Variants in DIPK2B observed in about 807,000 individuals in gnomAD.
DIPK2B encodes divergent protein kinase domain 2B.
Under a neutral mutation model 22.2 loss-of-function variants are expected in DIPK2B, and 15 were observed. That is an observed-to-expected ratio of 0.68 (90% CI 0.45 to 1.04). DIPK2B has a LOEUF of 1.04. Among genes scored for constraint, DIPK2B ranks in the 50% least tolerant of loss-of-function variants. DIPK2B has a pLI of 0.00. For missense variants in DIPK2B, 345 were observed against 348.3 expected (o/e 0.99, Z 0.08); for synonymous variants, 163 against 153.2 (o/e 1.06, Z -0.47).
chrX:45,155,963 T>TTA (rs1389952830), intron 3 of DIPK2B, among the ~76,000 whole-genome samples: 1 of 70,968 alleles, frequency 1.4e-5, no homozygotes, highest in Non-Finnish European at 2.6e-5. Context: ...GGGGACCTCT[T>TTA]TTTTTTTTTT....
intron 2 of DIPK2B, chrX:45,164,264 T>C (rs755388583): frequency 6.7e-6 from 8 of 1,192,442 alleles, no homozygotes. Context: ...AAATTTAAAA[T>C]GATTGATTAA....
chrX:45,171,948 G>A (rs901689188), intron 2 of DIPK2B, among the ~76,000 whole-genome samples: 2 of 112,081 alleles, frequency 1.8e-5, no homozygotes, highest in Non-Finnish European at 3.8e-5. Context: ...GGACTTACTT[G>A]GGGTGTGTAC....
chrX:45,194,254 A>AC (rs2047226958), intron 1 of DIPK2B, among the ~76,000 whole-genome samples: 1 of 36,737 alleles, frequency 2.7e-5, no homozygotes, highest in African/African-American at 8.5e-5. Flanking sequence ...GGAACCCATT[A>AC]ATTTTTTTTT....
chrX:45,184,231 C>T (rs936345350), intron 2 of DIPK2B, among the ~76,000 whole-genome samples: 24 of 111,195 alleles, frequency 2.2e-4, no homozygotes, highest in African/African-American at 5.9e-4. Context: ...GATTCCAGGG[C>T]GTAGAAATAC....
intron 2 of DIPK2B, chrX:45,162,347 A>G (rs41305233): frequency 0.075 from 55,714 of 741,739 alleles, 1,590 homozygotes; most frequent in Non-Finnish European, 0.082. Context: ...TTAATACACA[A>G]CAATAGATAA....
intron 2 of DIPK2B, among the ~76,000 whole-genome samples, chrX:45,173,511 CTTTT>C (rs199755146): frequency 1.3e-5 from 1 of 74,772 alleles, no homozygotes; most frequent in African/African-American, 7.4e-5. Flanking sequence ...TTCTTTCTTT[CTTTT>C]TCTTTCTTTC....
chrX:45,182,397 G>A (rs1185897307), intron 2 of DIPK2B, among the ~76,000 whole-genome samples: 2 of 112,156 alleles, frequency 1.8e-5, no homozygotes, highest in African/African-American at 6.5e-5. Flanking sequence ...ACTAACAATA[G>A]TAAGTGTTGA....
intron 2 of DIPK2B, among the ~76,000 whole-genome samples, chrX:45,177,032 C>T (rs920491651): frequency 2.7e-5 from 3 of 110,810 alleles, no homozygotes; most frequent in Non-Finnish European, 5.7e-5. Flanking sequence ...TGATCCCTGC[C>T]AGGTGCAGTA....
chrX:45,157,623 C>G, intron 3 of DIPK2B, 92 bp downstream of exon 3: 1 of 921,311 alleles, frequency 1.1e-6, no homozygotes, highest in Non-Finnish European at 1.5e-6. Flanking sequence ...CCAAGACATG[C>G]AGTAAAAGGA....
Position 45,151,646 on chromosome X carries a change from A to G in DIPK2B, c.*6T>C, listed in dbSNP as rs200137079. The G allele has an allele frequency of 2.2e-5, 26 of 1,202,332 alleles. No individual in the cohort carries two copies. The highest frequency in any genetic ancestry group is 4.4e-5 in the Admixed American group (2 of 45,491). On this transcript the variant is annotated 3_prime_UTR_variant, in exon 5 of 5. Coordinates refer to ENST00000398000, the MANE Select transcript of DIPK2B (RefSeq NM_176819.4). ...TTGTCCCCAAGGCCAGCTAGACACC[A>G]GCCCTTCAGAACTTATCGTTATATT...
intron 2 of DIPK2B, among the ~76,000 whole-genome samples, chrX:45,189,868 G>A (rs1368120463): frequency 8.9e-6 from 1 of 111,819 alleles, no homozygotes; most frequent in Non-Finnish European, 1.9e-5. Context: ...TTATAAGGAA[G>A]GGAAAAATCT....
At chrX:45,169,422 C>T (rs1032387417) in intron 2 of DIPK2B, among the ~76,000 whole-genome samples, 1 of 112,001 alleles carries the variant, frequency 8.9e-6, no homozygotes, top group Non-Finnish European at 1.9e-5. Context: ...TCTCTTGGAT[C>T]TTTGGTCCCC....
intron 1 of DIPK2B, among the ~76,000 whole-genome samples, chrX:45,197,413 T>C (rs2047245193): frequency 8.9e-6 from 1 of 111,818 alleles, no homozygotes. Flanking sequence ...AATTTTTGTA[T>C]TTTTAGTAGA....
At chrX:45,160,871 T>C (rs1256235751) in intron 2 of DIPK2B, among the ~76,000 whole-genome samples, 1 of 112,166 alleles carries the variant, frequency 8.9e-6, no homozygotes, top group African/African-American at 3.2e-5. Flanking sequence ...ATGTGGACAA[T>C]AGATTCAGAG....
intron 1 of DIPK2B, among the ~76,000 whole-genome samples, chrX:45,193,354 C>T (rs1603118212): frequency 1.8e-5 from 2 of 111,846 alleles, no homozygotes; most frequent in Admixed American, 1.9e-4. Context: ...TATTGGGCCA[C>T]CCCATGATAA....
intron 1 of DIPK2B, among the ~76,000 whole-genome samples, chrX:45,195,728 C>T (rs1268602333): frequency 1.8e-5 from 2 of 112,529 alleles, no homozygotes; most frequent in Non-Finnish European, 3.8e-5. Flanking sequence ...GCATTGCCTG[C>T]TGCATTGCCT....
intron 2 of DIPK2B, among the ~76,000 whole-genome samples, chrX:45,178,304 G>C (rs893947352): frequency 8.9e-6 from 1 of 112,062 alleles, no homozygotes; most frequent in African/African-American, 3.2e-5. Context: ...GGCTTTAATA[G>C]CTATATTTAG....
intron 2 of DIPK2B, among the ~76,000 whole-genome samples, chrX:45,174,946 T>C (rs1324595838): frequency 9.0e-6 from 1 of 111,557 alleles, no homozygotes; most frequent in East Asian, 2.8e-4. Flanking sequence ...TACAGGGAAG[T>C]AGAGAAGCCA....
At chrX:45,191,622 G>T in intron 2 of DIPK2B, 129 bp downstream of exon 2, 1 of 830,252 alleles carries the variant, frequency 1.2e-6, no homozygotes, top group Non-Finnish European at 1.7e-6. Context: ...TTATGACAGT[G>T]TTTTGTCACA....
Sources: gnomAD v4.1 joint callset for allele counts (sites outside exome capture counted in the v4.1 genomes callset) on GRCh38, gnomAD v4.1.1 for gene constraint, MANE v1.5 for transcripts, NCBI Gene and HGNC (gene_info 2026-07-23, HGNC 2026-07-21) for gene names.